Variants in TTLL13 observed in about 807,000 individuals in gnomAD.
TTLL13 encodes tubulin polyglutamylase TTLL13.
the TTLL13 span, among the ~76,000 whole-genome samples, chr15:90,260,408 G>A: frequency 6.6e-6 from 1 of 152,048 alleles, no homozygotes; most frequent in African/African-American, 2.4e-5. Context: ...GAGGTGAGAG[G>A]ATGGCTTCAG....
chr15:90,254,947 A>G, the TTLL13 span, among the ~76,000 whole-genome samples: 1 of 152,208 alleles, frequency 6.6e-6, no homozygotes, highest in Non-Finnish European at 1.5e-5. Context: ...TTATAGTATT[A>G]CCCCATTAAA....
the TTLL13 span, among the ~76,000 whole-genome samples, chr15:90,256,543 CTTTT>C: frequency 7.3e-3 from 1,031 of 141,204 alleles, 15 homozygotes; most frequent in African/African-American, 0.025. Context: ...TGTCTCCTTC[CTTTT>C]TCTTTCTTTC....
chr15:90,257,666 T>G, the TTLL13 span: 1 of 1,614,198 alleles, frequency 6.2e-7, no homozygotes, highest in Non-Finnish European at 8.5e-7. Context: ...TGACCAACTA[T>G]GCTATCAACA....
the TTLL13 span, among the ~76,000 whole-genome samples, chr15:90,255,228 G>T: frequency 6.6e-6 from 1 of 152,174 alleles, no homozygotes; most frequent in African/African-American, 2.4e-5. Context: ...TCTTTACTTG[G>T]TGGCATCCCG....
the TTLL13 span, among the ~76,000 whole-genome samples, chr15:90,252,180 C>CA: frequency 4.6e-5 from 7 of 152,038 alleles, no homozygotes; most frequent in Admixed American, 4.6e-4. Flanking sequence ...GCTGGGATTA[C>CA]AGGCATGTGC....
the TTLL13 span, among the ~76,000 whole-genome samples, chr15:90,252,935 G>T: frequency 6.6e-6 from 1 of 152,132 alleles, no homozygotes; most frequent in Non-Finnish European, 1.5e-5. Flanking sequence ...CCTGGGAGGC[G>T]GAGGTTGCAG....
chr15:90,264,011 A>C, the TTLL13 span: 1 of 1,536,104 alleles, frequency 6.5e-7, no homozygotes, highest in East Asian at 2.4e-5. Context: ...TCAATGAAGA[A>C]GGCTGGGAGG....
the TTLL13 span, chr15:90,251,022 C>T: frequency 1.4e-5 from 17 of 1,193,358 alleles, no homozygotes; most frequent in Non-Finnish European, 2.0e-5. Context: ...GCTGGAGTGT[C>T]ATTAACCCTT....
the TTLL13 span, chr15:90,258,604 C>T: frequency 1.4e-6 from 1 of 729,552 alleles, no homozygotes; most frequent in East Asian, 2.6e-5. Flanking sequence ...GTTTTGTGGC[C>T]TTGGAAGCCA....
At chr15:90,262,696 T>G in the TTLL13 span, 5 of 1,452,434 alleles carry the variant, frequency 3.4e-6, no homozygotes, top group Middle Eastern at 1.8e-4. Flanking sequence ...AGCTCTTATC[T>G]TTCCACAGGA....
the TTLL13 span, chr15:90,265,463 G>T: frequency 7.3e-7 from 1 of 1,366,102 alleles, no homozygotes; most frequent in South Asian, 1.7e-5. Flanking sequence ...TTTAATTAAA[G>T]TTTATGCAGT....
At chr15:90,264,655 G>C in the TTLL13 span, 72 of 1,503,116 alleles carry the variant, frequency 4.8e-5, no homozygotes, top group African/African-American at 9.5e-4. Context: ...GGCCACAGTT[G>C]GGAAAGAGGT....
the TTLL13 span, chr15:90,257,732 ACT>A: frequency 6.2e-7 from 1 of 1,612,724 alleles, no homozygotes; most frequent in African/African-American, 1.3e-5. Context: ...GGTACTCCCT[ACT>A]CTGTTTTCTC....
chr15:90,258,822 C>T, the TTLL13 span: 2 of 1,614,074 alleles, frequency 1.2e-6, no homozygotes, highest in Admixed American at 1.7e-5. Context: ...GATGCTATGA[C>T]CCTTGTCAAC....
the TTLL13 span, chr15:90,265,212 C>A: frequency 7.4e-7 from 1 of 1,353,856 alleles, no homozygotes. Context: ...CATTTCTGCT[C>A]ATCAAGCCTT....
the TTLL13 span, chr15:90,263,972 A>C: frequency 1.3e-6 from 2 of 1,535,912 alleles, no homozygotes; most frequent in South Asian, 2.4e-5. Flanking sequence ...TGGACAGGAG[A>C]GCCGGCAGCC....
At chr15:90,264,871 C>G in the TTLL13 span, 4 of 1,536,008 alleles carry the variant, frequency 2.6e-6, no homozygotes, top group Non-Finnish European at 3.5e-6. Context: ...CCATGGTAAA[C>G]TCTGAACACA....
chr15:90,264,905 C>T, the TTLL13 span: 2 of 1,536,084 alleles, frequency 1.3e-6, no homozygotes, highest in South Asian at 2.4e-5. Flanking sequence ...TCCCCTCTGC[C>T]CTGCGTCTGC....
chr15:90,256,601 C>CTT, the TTLL13 span, among the ~76,000 whole-genome samples: 12 of 32,990 alleles, frequency 3.6e-4, no homozygotes, highest in Admixed American at 2.6e-3. Flanking sequence ...TTCTTTCTTT[C>CTT]TTTCTTTCCT....
Sources: allele counts gnomAD v4.1 joint callset (sites outside exome capture counted in the v4.1 genomes callset), GRCh38; gene constraint gnomAD v4.1.1; transcripts MANE v1.5; gene names NCBI Gene and HGNC (gene_info 2026-07-23, HGNC 2026-07-21).